The following ST8SIA1 variants were observed in gnomAD, a reference collection of about 807,000 sequenced individuals.
ST8SIA1 encodes the protein alpha-N-acetylneuraminide alpha-2,8-sialyltransferase.
A neutral mutation model predicts 35.9 loss-of-function variants in ST8SIA1; 16 were observed. That is an observed-to-expected ratio of 0.45 (90% CI 0.30 to 0.68). The LOEUF (loss-of-function observed/expected upper bound fraction) is 0.68. ST8SIA1 is among the 30% of genes least tolerant of loss of function. ST8SIA1 has a pLI of 0.09. For synonymous variants in ST8SIA1, 170 were observed against 169.6 expected (o/e 1.00, Z -0.02); for missense variants, 383 against 453.6 (o/e 0.84, Z 1.41).
chr12:22,301,705 T>A (rs932839788), intron 1 of ST8SIA1, among the ~76,000 whole-genome samples: 2 of 152,304 alleles, frequency 1.3e-5, no homozygotes, highest in Admixed American at 1.3e-4. Context: ...AGAAAGCCAA[T>A]AAAAGCCTTT....
chr12:22,206,832 A>G (rs1865115382), intron 4 of ST8SIA1, among the ~76,000 whole-genome samples: 1 of 152,230 alleles, frequency 6.6e-6, no homozygotes. Context: ...AGAGGAAACC[A>G]AAATCATTCA....
At position 22,285,609 on chromosome 12, in the gene ST8SIA1, C is replaced by T. The variant is rs572174629; in HGVS notation, c.381+1540G>A. Among the ~76,000 whole-genome samples the T allele has an allele frequency of 5.3e-5, 8 of 152,150 alleles. No homozygotes were observed. In the East Asian group the frequency reaches 9.7e-4, roughly 18 times the overall value. ...TTTTACAGTCGGGCGCGGTGGCTCACGCCTGTAATCCCAGCACTTTGGGAG... is the reference window on the plus strand; with the variant it reads ...TTTTACAGTCGGGCGCGGTGGCTCATGCCTGTAATCCCAGCACTTTGGGAG... On this transcript the variant is annotated intron_variant, in intron 2 of 4. Transcript: ENST00000396037.
chr12:22,226,161 C>T (rs763298054), intron 4 of ST8SIA1, among the ~76,000 whole-genome samples: 20 of 152,108 alleles, frequency 1.3e-4, no homozygotes, highest in Non-Finnish European at 2.1e-4. Context: ...GAAGAATATT[C>T]GAGAAATAAC....
chr12:22,239,180 CTGTT>C (rs1865510765), intron 4 of ST8SIA1, among the ~76,000 whole-genome samples: 1 of 152,056 alleles, frequency 6.6e-6, no homozygotes, highest in African/African-American at 2.4e-5. Flanking sequence ...CTAAAATTGT[CTGTT>C]TGCATTTTTA....
chr12:22,230,565 T>G (rs915108950), intron 4 of ST8SIA1, among the ~76,000 whole-genome samples: 21 of 152,228 alleles, frequency 1.4e-4, no homozygotes, highest in African/African-American at 4.6e-4. Flanking sequence ...TGTCTGCAGT[T>G]TCTCCAGTTA....
At chr12:22,326,889 AT>A (rs1233156306) in intron 1 of ST8SIA1, among the ~76,000 whole-genome samples, 3 of 152,218 alleles carry the variant, frequency 2.0e-5, no homozygotes, top group Non-Finnish European at 4.4e-5. Flanking sequence ...TGAAGAGTGC[AT>A]TAATGATACA....
At chr12:22,296,144 G>A (rs2135821935) in intron 1 of ST8SIA1, among the ~76,000 whole-genome samples, 1 of 152,310 alleles carries the variant, frequency 6.6e-6, no homozygotes, top group South Asian at 2.1e-4. Flanking sequence ...TGCCTGGTAT[G>A]CTGAAAGGCC....
In ST8SIA1 at chr12:22,285,988, C is replaced by A. The variant is rs962763187; in HGVS notation, c.381+1161G>T. On this transcript the variant is annotated intron_variant, in intron 2 of 4. Transcript: ENST00000396037. Reference sequence around the variant, plus strand: ...TGCTCTAGCCATCATAGAGACAAGACAGCTAAATCTCAGACGACTTAGGTA... The same window carrying A: ...TGCTCTAGCCATCATAGAGACAAGAAAGCTAAATCTCAGACGACTTAGGTA... Among the ~76,000 whole-genome samples, 3 of 151,136 alleles carry A rather than the reference C, an allele frequency of 2.0e-5. No individual in the cohort carries two copies. In the South Asian group the frequency reaches 6.3e-4, roughly 32 times the overall value.
At chr12:22,209,257 A>G (rs908725836) in intron 4 of ST8SIA1, among the ~76,000 whole-genome samples, 4 of 152,224 alleles carry the variant, frequency 2.6e-5, no homozygotes, top group Non-Finnish European at 5.9e-5. Context: ...ATAGCACAAC[A>G]TAACAAAACA....
At chr12:22,306,784 A>C (rs1866389130) in intron 1 of ST8SIA1, among the ~76,000 whole-genome samples, 1 of 152,016 alleles carries the variant, frequency 6.6e-6, no homozygotes. Flanking sequence ...TTCTTTAATA[A>C]CTTCTGCCCT....
chr12:22,234,993 T>C (rs896925465), intron 4 of ST8SIA1, among the ~76,000 whole-genome samples: 17 of 152,212 alleles, frequency 1.1e-4, no homozygotes. Flanking sequence ...ACAATTTGCA[T>C]TGTGATTCTG....
rs200072921 is a variant in ST8SIA1, at chr12:22,334,161, C to A, written c.72G>T (p.Pro24=). The change falls in exon 1 of 5, where the codon CCG becomes CCT. Residue 24 remains proline (P), a synonymous_variant. Transcript: ENST00000396037. ...TGGCTCCCATGGGCAGCCGGGTCCG[C>A]GGGAACTTCCACGCCAGTACAGCCA... ...GAMAVLAWKF[P]RTRLPMGASA... 2 of 1,614,084 alleles carry A rather than the reference C, an allele frequency of 1.2e-6. No individual in the cohort carries two copies. Among genetic ancestry groups the A allele is most frequent in the East Asian group, 4.5e-5 (2 of 44,854 alleles).
At chr12:22,228,449 T>C (rs553780570) in intron 4 of ST8SIA1, among the ~76,000 whole-genome samples, 18 of 152,350 alleles carry the variant, frequency 1.2e-4, no homozygotes, top group East Asian at 5.8e-4. Context: ...TGTTTATTTA[T>C]GCTAATTTAA....
chr12:22,293,706 A>T (rs931016147), intron 1 of ST8SIA1, among the ~76,000 whole-genome samples: 10 of 152,326 alleles, frequency 6.6e-5, no homozygotes, highest in African/African-American at 1.9e-4. Flanking sequence ...GAGACAATAC[A>T]ACTTTGTTTG....
At chr12:22,309,936 T>C (rs781608528) in intron 1 of ST8SIA1, among the ~76,000 whole-genome samples, 58 of 152,196 alleles carry the variant, frequency 3.8e-4, no homozygotes, top group Non-Finnish European at 7.6e-4. Flanking sequence ...ATTAGGTACT[T>C]TTATTTATCT....
rs551891577 is a variant in ST8SIA1 at position 22,196,188 on chromosome 12, G to A, written c.*5364C>T. 9.2e-5 allele frequency: 14 copies of A among 152,262 alleles called. No homozygotes were observed. Among genetic ancestry groups the A allele is most frequent in the East Asian group, 1.9e-4 (1 of 5,182 alleles). 9.4% of individuals were successfully genotyped at this position (152,262 alleles called of 1,614,324 possible). On this transcript the variant is annotated 3_prime_UTR_variant, in exon 5 of 5. Transcript: ENST00000396037. ...GGCTTTGATTATCTGGCAAATGCTCGCAGGCATGTAAGTCAATTTAAAATA... is the reference window on the plus strand; with the variant it reads ...GGCTTTGATTATCTGGCAAATGCTCACAGGCATGTAAGTCAATTTAAAATA...
intron 1 of ST8SIA1, among the ~76,000 whole-genome samples, chr12:22,308,815 C>T (rs1042435673): frequency 1.1e-4 from 17 of 152,134 alleles, no homozygotes; most frequent in East Asian, 1.9e-4. Flanking sequence ...CTGATATCCA[C>T]GGCAGTCTCA....
At chr12:22,303,337 T>G (rs558314860) in intron 1 of ST8SIA1, among the ~76,000 whole-genome samples, 80 of 152,104 alleles carry the variant, frequency 5.3e-4, no homozygotes, top group African/African-American at 1.7e-3. Flanking sequence ...TTTTTGGAAT[T>G]TGGCTTGCTT....
At chr12:22,297,817 T>C (rs879578503) in intron 1 of ST8SIA1, among the ~76,000 whole-genome samples, 1 of 152,138 alleles carries the variant, frequency 6.6e-6, no homozygotes, top group African/African-American at 2.4e-5. Flanking sequence ...AACTCAAAAA[T>C]GATGTCTTTT....
Sources: gnomAD v4.1 joint callset for allele counts (sites outside exome capture counted in the v4.1 genomes callset) on GRCh38, gnomAD v4.1.1 for gene constraint, MANE v1.5 for transcripts, NCBI Gene and HGNC (gene_info 2026-07-23, HGNC 2026-07-21) for gene names.